The following SCN9A variants were observed in gnomAD, a reference collection of about 807,000 sequenced individuals.
SCN9A encodes the protein sodium channel protein type 9 subunit alpha.
SCN9A carries 131 observed loss-of-function variants against 187.0 expected under a neutral mutation model. The ratio of observed to expected loss-of-function variants is 0.70; its 90% CI spans 0.61 to 0.81. The LOEUF is 0.81. SCN9A is among the 30% of genes least tolerant of loss of function. The pLI, the probability that SCN9A is intolerant of heterozygous loss-of-function variation, is 0.00. For synonymous variants in SCN9A, 809 were observed against 808.6 expected (o/e 1.00, Z -0.01); for missense variants, 2,252 against 2,396.6 (o/e 0.94, Z 1.26).
intron 7 of SCN9A, among the ~76,000 whole-genome samples, chr2:166,296,935 C>T (rs532546041): frequency 3.0e-4 from 46 of 152,100 alleles, no homozygotes; most frequent in African/African-American, 7.7e-4. Context: ...CAGTGGCTCA[C>T]GCCTGTAATG....
At chr2:166,300,054 A>G (rs1216067112) in intron 7 of SCN9A, among the ~76,000 whole-genome samples, 1 of 150,780 alleles carries the variant, frequency 6.6e-6, no homozygotes. Flanking sequence ...TCTTGCCTAG[A>G]TGAGAGAAGC....
rs111718678 is a variant in SCN9A, at chr2:166,293,483, A to G, written c.966-111T>C. On this transcript the variant is annotated intron_variant, in intron 8 of 26. Coordinates refer to ENST00000642356, the MANE Select transcript of SCN9A (RefSeq NM_001365536.1). ...TTCTTCTATAGGGGGACAATATTGAATAAGGATTAAGAATACATGATTTGG... is the reference window on the plus strand; with the variant it reads ...TTCTTCTATAGGGGGACAATATTGAGTAAGGATTAAGAATACATGATTTGG... The G allele has an allele frequency of 2.8e-4, 258 of 910,786 alleles. 1 individual carries two copies. The African/African-American group carries it at 4.2e-3, about 15-fold the overall frequency. The allele number at this position is 910,786 out of a possible 1,614,324, so 56.4% of individuals were successfully genotyped here. A position where few individuals can be genotyped will look rare whatever the true frequency, so the allele number is the denominator to read the frequency against.
rs147539362 is a variant in SCN9A, at chr2:166,352,213, A to G, written c.-51+23484T>C. 9.5e-4 allele frequency among the ~76,000 whole-genome samples: 144 copies of G among 152,304 alleles called. 3 individuals are homozygous for G. In the East Asian group the frequency reaches 0.026, roughly 27 times the overall value. On this transcript the variant is annotated intron_variant, in intron 1 of 26. Coordinates refer to ENST00000642356, the MANE Select transcript of SCN9A (RefSeq NM_001365536.1). ...CTTTTAACAGCCTGACAGAAAATTT[A>G]CAGTAGATAAATCTATACTACTCAT...
rs529727269 is a variant in SCN9A, at chr2:166,311,636, C to G, written c.121G>C (p.Asp41His). 6.2e-7 allele frequency: 1 copy of G among 1,613,344 alleles called. No homozygotes were observed. Among genetic ancestry groups the G allele is most frequent in the South Asian group, 1.1e-5 (1 of 91,038 alleles). ...GGCTTTGGGGCTTCTTCATCATCAT[C>G]TTTCTTTTCTTCTTTGGGTTCCTTT... The part of the protein sequence containing the change: ...KSKEPKEEKK[D>H]DDEEAPKPSS... Residue 41 changes from aspartate (D) to histidine (H), a missense_variant, in exon 2 of 27, where the codon GAT becomes CAT. Physicochemically the swap from Asp to His is moderately conservative, Grantham distance 81. Around this residue, in one of 7 missense-constraint regions of SCN9A, gnomAD observed 1,013 missense variants for 997.4 expected, o/e 1.02. Coordinates refer to ENST00000642356, the MANE Select transcript of SCN9A (RefSeq NM_001365536.1).
Position 166,196,475 on chromosome 2 carries a change from TA to T in SCN9A, c.*2196del, listed in dbSNP as rs1443588243. The T allele has an allele frequency of 6.6e-6, 1 of 152,036 alleles. No individual in the cohort carries two copies. Among genetic ancestry groups the T allele is most frequent in the African/African-American group, 2.4e-5 (1 of 41,426 alleles). The allele number at this position is 152,036 out of a possible 1,614,324, so 9.4% of individuals were successfully genotyped here. On this transcript the variant is annotated 3_prime_UTR_variant, in exon 27 of 27. Coordinates refer to ENST00000642356, the MANE Select transcript of SCN9A (RefSeq NM_001365536.1). ...AGTTGCCCATATTTTTTATTTTACA[TA>T]AAAACAAGGCAATGTAAAAACATTA...
chr2:166,196,745 T>G lies in SCN9A; in HGVS notation c.*1927A>C, dbSNP rs200644493. 6.6e-6 allele frequency: 1 copy of G among 152,140 alleles called. No homozygotes were observed. The highest frequency in any genetic ancestry group is 1.5e-5 in the Non-Finnish European group (1 of 67,984). 9.4% of individuals were successfully genotyped at this position (152,140 alleles called of 1,614,324 possible). Reference sequence around the variant, plus strand: ...GGTAGGTATGTGATAAAATGATCTATGTAGTCTCGGAAAACACTGCATGGT... The same window carrying G: ...GGTAGGTATGTGATAAAATGATCTAGGTAGTCTCGGAAAACACTGCATGGT... On this transcript the variant is annotated 3_prime_UTR_variant, in exon 27 of 27. Coordinates refer to ENST00000642356, the MANE Select transcript of SCN9A (RefSeq NM_001365536.1).
chr2:166,207,263 T>C (rs1693850821), intron 24 of SCN9A, among the ~76,000 whole-genome samples: 1 of 152,164 alleles, frequency 6.6e-6, no homozygotes. Context: ...ATGACCTGGT[T>C]ATGGTTTCCC....
At chr2:166,229,992 C>G (rs568335304) in intron 21 of SCN9A, among the ~76,000 whole-genome samples, 13 of 152,306 alleles carry the variant, frequency 8.5e-5, no homozygotes, top group African/African-American at 2.4e-4. Flanking sequence ...TAAGCAGGTT[C>G]TCAAGATGCT....
chr2:166,234,592 T>C (rs1252087348), intron 20 of SCN9A, among the ~76,000 whole-genome samples: 1 of 151,962 alleles, frequency 6.6e-6, no homozygotes, highest in Non-Finnish European at 1.5e-5. Context: ...GATGTCTCAC[T>C]AAATGTAACA....
At position 166,227,544 on chromosome 2, in the gene SCN9A, C is replaced by T. The variant is rs555065044; in HGVS notation, c.4260+126G>A. The T allele has an allele frequency of 7.4e-5, 50 of 672,148 alleles. No homozygotes were observed. In the South Asian group the frequency reaches 8.9e-4, roughly 12 times the overall value. 41.6% of individuals were successfully genotyped at this position (672,148 alleles called of 1,614,324 possible). A position where few individuals can be genotyped will look rare whatever the true frequency, so the allele number is the denominator to read the frequency against. On this transcript the variant is annotated intron_variant, in intron 23 of 26. Coordinates refer to ENST00000642356, the MANE Select transcript of SCN9A (RefSeq NM_001365536.1). ...GTACTCACAACCACTAGGCTACTAT[C>T]AGGTGGATGTTCTTCATTGTCTATG...
rs566269762 is a variant in SCN9A, at chr2:166,318,314, A to G, written c.-50-6508T>C. The stretch of plus-strand genomic sequence containing the variant: ...GACCTTTCAGTCATCCCTCTCTTTC[A>G]AGAGAGGATTTGTCTGGGAAACAGA... On this transcript the variant is annotated intron_variant, in intron 1 of 26. Coordinates refer to ENST00000642356, the MANE Select transcript of SCN9A (RefSeq NM_001365536.1). Among the ~76,000 whole-genome samples, 6 of 152,168 alleles carry G rather than the reference A, an allele frequency of 3.9e-5. No homozygotes were observed. In the South Asian group the frequency reaches 1.2e-3, roughly 32 times the overall value.
intron 26 of SCN9A, among the ~76,000 whole-genome samples, chr2:166,202,365 A>G (rs893001825): frequency 2.0e-5 from 3 of 151,686 alleles, no homozygotes; most frequent in Non-Finnish European, 4.4e-5. Context: ...TATACATTAA[A>G]GTTTAATTTG....
In SCN9A at chr2:166,198,700, C is replaced by T. The variant is rs1693321468; in HGVS notation, c.5939G>A (p.Gly1980Glu). 6.2e-7 allele frequency: 1 copy of T among 1,605,302 alleles called. No homozygotes were observed. The highest frequency in any genetic ancestry group is 8.5e-7 in the Non-Finnish European group (1 of 1,176,382). The change falls in exon 27 of 27, where the codon GGG (glycine) becomes GAG (glutamate). Residue 1980 changes from glycine to glutamate, a missense_variant. Around this residue, in one of 7 missense-constraint regions of SCN9A, gnomAD observed 345 missense variants for 344.6 expected, o/e 1.00. Transcript: ENST00000642356. ...TTTTTTGCTTTCCTTGCTGTCTTTC[C>T]CTTTGTCTTCCTTTTCTGTTCTGTC... ...EQDRTEKEDKGKDSKESKK is the reference protein window; with the variant it reads ...EQDRTEKEDKEKDSKESKK
At chr2:166,355,789 A>AC (rs1700139091) in intron 1 of SCN9A, among the ~76,000 whole-genome samples, 3 of 146,124 alleles carry the variant, frequency 2.1e-5, no homozygotes, top group South Asian at 2.2e-4. Flanking sequence ...TAGAAATGAG[A>AC]TTTTTTTTTT....
In SCN9A at chr2:166,272,489, C is replaced by T. The variant is rs767839835; in HGVS notation, c.3261G>A (p.Val1087=). The part of the protein sequence containing the change: ...QSFIHNPSLT[V]TVPIAPGESD... Reference sequence around the variant, plus strand: ...ATTCCCCAGGTGCAATTGGCACTGTCACTGTGAGGCTGGGATTGTGAATAA... The same window carrying T: ...ATTCCCCAGGTGCAATTGGCACTGTTACTGTGAGGCTGGGATTGTGAATAA... The change falls in exon 17 of 27, where the codon GTG becomes GTA. Residue 1087 remains valine, a synonymous_variant. Coordinates refer to ENST00000642356, the MANE Select transcript of SCN9A (RefSeq NM_001365536.1). 1.2e-6 allele frequency: 2 copies of T among 1,612,934 alleles called. No individual in the cohort carries two copies. The highest frequency in any genetic ancestry group is 2.7e-5 in the African/African-American group (2 of 74,890).
intron 1 of SCN9A, among the ~76,000 whole-genome samples, chr2:166,330,876 C>T (rs578024455): frequency 6.6e-6 from 1 of 152,248 alleles, no homozygotes; most frequent in Non-Finnish European, 1.5e-5. Context: ...TCCTAACAGG[C>T]CATGGACCAG....
intron 1 of SCN9A, among the ~76,000 whole-genome samples, chr2:166,323,547 T>C (rs1376835923): frequency 1.3e-5 from 2 of 152,150 alleles, no homozygotes; most frequent in African/African-American, 4.8e-5. Flanking sequence ...CACTAATTTT[T>C]ACCTAATAAC....
At chr2:166,367,383 C>A (rs1265530542) in intron 1 of SCN9A, among the ~76,000 whole-genome samples, 2 of 152,178 alleles carry the variant, frequency 1.3e-5, no homozygotes, top group Non-Finnish European at 2.9e-5. Flanking sequence ...CTGCCTCAGC[C>A]TCCCGAGAAG....
chr2:166,375,359 T>C (rs1395549850), intron 1 of SCN9A, among the ~76,000 whole-genome samples: 1 of 152,178 alleles, frequency 6.6e-6, no homozygotes, highest in African/African-American at 2.4e-5. Context: ...CTAACAACTC[T>C]GCTAGCGTAA....
Sources: gnomAD v4.1 joint callset for allele counts (sites outside exome capture counted in the v4.1 genomes callset) on GRCh38, gnomAD v4.1.1 for gene constraint, gnomAD v4.1.1 regional missense constraint, MANE v1.5 for transcripts, NCBI Gene and HGNC (gene_info 2026-07-23, HGNC 2026-07-21) for gene names.